The following RASGRF2 variants were observed in gnomAD, a reference collection of about 807,000 sequenced individuals.
The protein encoded by RASGRF2 is Ras protein specific guanine nucleotide releasing factor 2, also known as ras-specific guanine nucleotide-releasing factor 2.
Under a neutral mutation model 151.0 loss-of-function variants are expected in RASGRF2, and 76 were observed. That is an observed-to-expected ratio of 0.50 (90% CI 0.42 to 0.61). The LOEUF (loss-of-function observed/expected upper bound fraction) is 0.61, where lower values mean the gene tolerates loss of function less well. RASGRF2 is among the 20% of genes least tolerant of loss of function. The pLI, the probability that RASGRF2 is intolerant of heterozygous loss-of-function variation, is 0.00. For missense variants in RASGRF2, 1,148 were observed against 1,564.6 expected (o/e 0.73, Z 4.49); for synonymous variants, 504 against 566.5 (o/e 0.89, Z 1.57).
At position 81,153,700 on chromosome 5, in the gene RASGRF2, A is replaced by G. The variant is rs149840433; in HGVS notation, c.2687-26475A>G. Among the ~76,000 whole-genome samples, 354 of 152,354 alleles carry G rather than the reference A, an allele frequency of 2.3e-3. 1 individual carries two copies. The highest frequency in any genetic ancestry group is 8.2e-3 in the African/African-American group (341 of 41,582). ...GAAAGCAAATAGAAAAATGGCGGAT[A>G]TAAATAGAACCATATCAAATTCCAT... On this transcript the variant is annotated intron_variant, in intron 17 of 26. Coordinates refer to ENST00000265080, the MANE Select transcript of RASGRF2 (RefSeq NM_006909.3).
At chr5:81,120,794 C>A (rs1753286008) in intron 15 of RASGRF2, among the ~76,000 whole-genome samples, 1 of 152,128 alleles carries the variant, frequency 6.6e-6, no homozygotes, top group Admixed American at 6.5e-5. Flanking sequence ...TATTGTGATT[C>A]ATATTGAAGG....
chr5:81,114,489 G>A (rs543323162), intron 15 of RASGRF2, among the ~76,000 whole-genome samples: 56 of 152,332 alleles, frequency 3.7e-4, no homozygotes, highest in African/African-American at 1.3e-3. Flanking sequence ...TGCTTGTGAC[G>A]TAGCCAAAAT....
At chr5:81,116,180 T>C (rs1753151230) in intron 15 of RASGRF2, among the ~76,000 whole-genome samples, 1 of 147,390 alleles carries the variant, frequency 6.8e-6, no homozygotes, top group Non-Finnish European at 1.5e-5. Flanking sequence ...CCTCCCAGGT[T>C]CGAGCTATTC....
intron 17 of RASGRF2, among the ~76,000 whole-genome samples, chr5:81,142,777 G>A (rs1753915434): frequency 6.6e-6 from 1 of 152,084 alleles, no homozygotes; most frequent in African/African-American, 2.4e-5. Flanking sequence ...TTCTTATTAA[G>A]AATTATTAAG....
chr5:81,194,707 C>G (rs1755223490), intron 18 of RASGRF2, among the ~76,000 whole-genome samples: 1 of 152,138 alleles, frequency 6.6e-6, no homozygotes. Flanking sequence ...GTTTCCAGGC[C>G]CAGCCTCTCC....
chr5:81,046,849 G>C (rs996373512), intron 2 of RASGRF2, among the ~76,000 whole-genome samples: 10 of 152,052 alleles, frequency 6.6e-5, no homozygotes, highest in African/African-American at 2.2e-4. Flanking sequence ...ACCAAGCAAA[G>C]TATCAGCAGT....
At chr5:81,022,807 C>A (rs1749876872) in intron 1 of RASGRF2, among the ~76,000 whole-genome samples, 1 of 151,362 alleles carries the variant, frequency 6.6e-6, no homozygotes, top group African/African-American at 2.4e-5. Context: ...GACCTGCTAT[C>A]AGACAGAGCA....
intron 17 of RASGRF2, among the ~76,000 whole-genome samples, chr5:81,151,597 G>C (rs2112620740): frequency 6.6e-6 from 1 of 152,248 alleles, no homozygotes; most frequent in Admixed American, 6.5e-5. Flanking sequence ...ATCAAGGAAA[G>C]CACCTCCAAG....
intron 12 of RASGRF2, among the ~76,000 whole-genome samples, chr5:81,104,492 G>A (rs533822727): frequency 1.1e-4 from 16 of 151,822 alleles, no homozygotes; most frequent in East Asian, 1.9e-4. Context: ...ATTTTTCATC[G>A]TTTTTGTGAT....
rs184668193 is a variant in RASGRF2, at chr5:81,199,390, T to C, written c.2794-1940T>C. Among the ~76,000 whole-genome samples the C allele has an allele frequency of 1.3e-3, 197 of 152,344 alleles. 1 individual carries two copies. The highest frequency in any genetic ancestry group is 4.4e-3 in the African/African-American group (185 of 41,582). ...ACAGAGCATTACATTAGTAGACATA[T>C]GATGTTGGTTTCTTCCATCATGGGG... On this transcript the variant is annotated intron_variant, in intron 18 of 26. Coordinates refer to ENST00000265080, the MANE Select transcript of RASGRF2 (RefSeq NM_006909.3).
intron 9 of RASGRF2, among the ~76,000 whole-genome samples, chr5:81,091,750 A>C (rs1752394816): frequency 6.6e-6 from 1 of 152,194 alleles, no homozygotes; most frequent in South Asian, 2.1e-4. Flanking sequence ...TCATTAAAAA[A>C]ATCAAGAAGC....
At chr5:81,117,130 A>T (rs1310773567) in intron 15 of RASGRF2, among the ~76,000 whole-genome samples, 1 of 152,246 alleles carries the variant, frequency 6.6e-6, no homozygotes, top group African/African-American at 2.4e-5. Context: ...ATACCTTATC[A>T]TGAAAGCTGC....
intron 16 of RASGRF2, among the ~76,000 whole-genome samples, chr5:81,124,386 CT>C (rs2067317): frequency 0.35 from 53,683 of 151,990 alleles, 10,306 homozygotes; most frequent in African/African-American, 0.5. Flanking sequence ...TCAAAAGGCT[CT>C]TTCTTTAGAT....
At chr5:81,217,033 CA>C in intron 24 of RASGRF2, 3 of 441,486 alleles carry the variant, frequency 6.8e-6, no homozygotes, top group South Asian at 1.7e-5. Context: ...TTCTACCCCT[CA>C]AAAAAGTGTG....
chr5:81,090,375 G>A (rs1752356256), intron 9 of RASGRF2, among the ~76,000 whole-genome samples: 1 of 152,206 alleles, frequency 6.6e-6, no homozygotes, highest in Non-Finnish European at 1.5e-5. Flanking sequence ...AAAGAATCAT[G>A]CTATAGCAAT....
At chr5:81,126,362 A>G (rs543562453) in intron 16 of RASGRF2, among the ~76,000 whole-genome samples, 1 of 152,232 alleles carries the variant, frequency 6.6e-6, no homozygotes, top group Admixed American at 6.5e-5. Context: ...CTTTTTTAAG[A>G]ATATTTTTAT....
chr5:80,973,274 C>A lies in RASGRF2; in HGVS notation c.288+12248C>A, dbSNP rs1225312553. Among the ~76,000 whole-genome samples, 5 of 152,136 alleles carry A rather than the reference C, an allele frequency of 3.3e-5. No homozygotes were observed. In the East Asian group the frequency reaches 9.6e-4, roughly 29 times the overall value. ...TTACAGTAGGTTGCGGTTGCCACCCCAGGATGTCTTCCTTTTAGAGGAAGT... is the reference window on the plus strand; with the variant it reads ...TTACAGTAGGTTGCGGTTGCCACCCAAGGATGTCTTCCTTTTAGAGGAAGT... On this transcript the variant is annotated intron_variant, in intron 1 of 26. Coordinates refer to ENST00000265080, the MANE Select transcript of RASGRF2 (RefSeq NM_006909.3).
In RASGRF2 at chr5:81,076,211, A is replaced by G. The variant is rs570118610; in HGVS notation, c.887+2759A>G. On this transcript the variant is annotated intron_variant, in intron 5 of 26. Transcript: ENST00000265080. ...AAGAGGATTTCAAAAGGGTGGGTAT[A>G]GAAAATTCTTTTGAGAAGGGCTGCT... Among the ~76,000 whole-genome samples the G allele has an allele frequency of 3.3e-5, 5 of 152,314 alleles. No individual in the cohort carries two copies. The South Asian group carries it at 1.0e-3, about 32-fold the overall frequency.
intron 2 of RASGRF2, among the ~76,000 whole-genome samples, chr5:81,043,335 T>C (rs369106338): frequency 2.0e-5 from 3 of 152,310 alleles, no homozygotes; most frequent in South Asian, 2.1e-4. Context: ...TCCCCCTGTC[T>C]GCAGATAAGG....
Sources: allele counts gnomAD v4.1 joint callset (sites outside exome capture counted in the v4.1 genomes callset), GRCh38; gene constraint gnomAD v4.1.1; transcripts MANE v1.5; gene names NCBI Gene and HGNC (gene_info 2026-07-23, HGNC 2026-07-21).